The following CCDC12 variants were observed in gnomAD, a reference collection of about 807,000 sequenced individuals.
The protein encoded by CCDC12 is coiled-coil domain containing 12, also known as coiled-coil domain-containing protein 12.
CCDC12 carries 28 observed loss-of-function variants against 25.7 expected under a neutral mutation model. The ratio of observed to expected loss-of-function variants is 1.09; its 90% CI spans 0.81 to 1.50. The LOEUF (loss-of-function observed/expected upper bound fraction) is 1.50, where lower values mean the gene tolerates loss of function less well. Ranked by LOEUF, CCDC12 falls within the 40% of genes most tolerant of loss-of-function variation. The pLI, the probability that CCDC12 is intolerant of heterozygous loss-of-function variation, is 0.00. For synonymous variants in CCDC12, 75 were observed against 87.7 expected (o/e 0.86, Z 0.81); for missense variants, 198 against 210.0 (o/e 0.94, Z 0.35).
At chr3:46,947,541 C>A (rs2033954581) in intron 1 of CCDC12, among the ~76,000 whole-genome samples, 1 of 152,196 alleles carries the variant, frequency 6.6e-6, no homozygotes, top group African/African-American at 2.4e-5. Flanking sequence ...ATCTCTACTG[C>A]CCAGAGACTG....
chr3:46,968,894 C>T (rs181168095), intron 1 of CCDC12, among the ~76,000 whole-genome samples: 1 of 152,304 alleles, frequency 6.6e-6, no homozygotes, highest in East Asian at 1.9e-4. Context: ...AGGGATGAAG[C>T]AATACACCCT....
rs758095813 is a variant in CCDC12 at position 46,923,352 on chromosome 3, G to A, written c.318C>T (p.Asn106=). Residue 106 remains asparagine (N), a synonymous_variant, in exon 5 of 7, where the codon AAC becomes AAT. Transcript: ENST00000683445. ...EPVIEEVDLA[N]LAPRKPDWDL... is the part of the protein sequence containing the mutation. ...ACCAGTCAGGCTTCCGAGGAGCGAG[G>A]TTGGCCAGGTCCTGGGAAGGGAGGA... 6.7e-7 allele frequency: 1 copy of A among 1,492,874 alleles called. No homozygotes were observed. Among genetic ancestry groups the A allele is most frequent in the Non-Finnish European group, 8.9e-7 (1 of 1,119,600 alleles). 92.5% of individuals were successfully genotyped at this position (1,492,874 alleles called of 1,614,324 possible). A position where few individuals can be genotyped will look rare whatever the true frequency, so the allele number is the denominator to read the frequency against.
chr3:46,953,412 C>T (rs774542558), intron 1 of CCDC12, among the ~76,000 whole-genome samples: 2 of 152,132 alleles, frequency 1.3e-5, no homozygotes, highest in African/African-American at 2.4e-5. Flanking sequence ...AAAGACTTCA[C>T]AGACTCGCAC....
chr3:46,942,425 A>G (rs1044325788), intron 1 of CCDC12, among the ~76,000 whole-genome samples: 11 of 152,270 alleles, frequency 7.2e-5, no homozygotes, highest in Admixed American at 5.9e-4. Context: ...AGCTCCTTCC[A>G]TTGGGAGCCT....
chr3:46,970,565 AC>A (rs1159117892), intron 1 of CCDC12, among the ~76,000 whole-genome samples: 5 of 152,216 alleles, frequency 3.3e-5, no homozygotes, highest in Admixed American at 2.0e-4. Flanking sequence ...CCAGGTGACA[AC>A]CAGGAATTGC....
intron 2 of CCDC12, among the ~76,000 whole-genome samples, chr3:46,931,063 A>G (rs2033192282): frequency 6.6e-6 from 1 of 152,236 alleles, no homozygotes; most frequent in South Asian, 2.1e-4. Context: ...CAATGACTTG[A>G]GAAGACATTT....
chr3:46,947,369 T>G (rs1345252639), intron 1 of CCDC12, among the ~76,000 whole-genome samples: 1 of 152,194 alleles, frequency 6.6e-6, no homozygotes, highest in Non-Finnish European at 1.5e-5. Flanking sequence ...TGCAGCCCCA[T>G]GCCGGGGTGG....
intron 1 of CCDC12, among the ~76,000 whole-genome samples, chr3:46,969,412 T>C (rs1344032711): frequency 2.0e-5 from 3 of 152,164 alleles, no homozygotes; most frequent in African/African-American, 7.2e-5. Flanking sequence ...TTACTTATAT[T>C]TGTAGAGATG....
chr3:46,980,695 G>C (rs555088350), upstream of CCDC12, among the ~76,000 whole-genome samples: 34 of 152,268 alleles, frequency 2.2e-4, 1 homozygote, highest in African/African-American at 7.0e-4. Context: ...AGAAGGTGAG[G>C]GGAGTGACTC....
In CCDC12 at chr3:46,943,322, CA is replaced by C. The variant is rs563889493; in HGVS notation, c.97-2258del. Among the ~76,000 whole-genome samples the C allele has an allele frequency of 1.0e-3, 153 of 152,270 alleles. 2 individuals are homozygous for C. Among genetic ancestry groups the C allele is most frequent in the African/African-American group, 3.1e-3 (130 of 41,554 alleles). ...GCAAGCCAGAGCCTGCAAATTCTAG[CA>C]AAAAATTCCTTCCCAACTCCCAACC... On this transcript the variant is annotated intron_variant, in intron 1 of 6. Transcript: ENST00000683445.
chr3:46,938,752 G>C (rs952595847), intron 2 of CCDC12, among the ~76,000 whole-genome samples: 2 of 151,800 alleles, frequency 1.3e-5, no homozygotes, highest in Non-Finnish European at 2.9e-5. Flanking sequence ...GGAGGCTGAG[G>C]TGGGAAGATC....
rs1407202820 is a variant in CCDC12, at chr3:46,922,424, AG to A, written c.342-113del. 8 of 1,194,860 alleles carry A rather than the reference AG, an allele frequency of 6.7e-6. No homozygotes were observed. The African/African-American group carries it at 1.2e-4, about 18-fold the overall frequency. 74.0% of individuals were successfully genotyped at this position (1,194,860 alleles called of 1,614,324 possible). On this transcript the variant is annotated intron_variant, in intron 5 of 6. Transcript: ENST00000683445. Reference sequence around the variant, plus strand: ...ATTAGGAGTCATGCTCGGTTGCTGGAGGGGGCTGCCCTGGGGAAGAGGCCAG... The same window carrying A: ...ATTAGGAGTCATGCTCGGTTGCTGGAGGGGCTGCCCTGGGGAAGAGGCCAG...
upstream of CCDC12, chr3:46,977,075 C>T: frequency 2.8e-6 from 1 of 351,602 alleles, no homozygotes; most frequent in Non-Finnish European, 5.3e-6. Flanking sequence ...TCGATCGCTC[C>T]GGTTTTGCCC....
intron 1 of CCDC12, among the ~76,000 whole-genome samples, chr3:46,971,503 T>TA (rs1385478568): frequency 6.6e-6 from 1 of 152,234 alleles, no homozygotes; most frequent in Non-Finnish European, 1.5e-5. Context: ...GACGTCTTTG[T>TA]AAAACTACAG....
chr3:46,975,554 G>A (rs1217390894), intron 1 of CCDC12, among the ~76,000 whole-genome samples: 8 of 114,400 alleles, frequency 7.0e-5, no homozygotes, highest in Non-Finnish European at 1.1e-4. Flanking sequence ...TTTTTGAGAC[G>A]GAGTCTCGCT....
intron 1 of CCDC12, among the ~76,000 whole-genome samples, chr3:46,957,414 A>AT (rs796296386): frequency 2.0e-3 from 301 of 149,700 alleles, no homozygotes; most frequent in African/African-American, 6.4e-3. Flanking sequence ...CTTTTTAATT[A>AT]TTTTTTTTTT....
intron 1 of CCDC12, among the ~76,000 whole-genome samples, chr3:46,966,414 G>A (rs990732733): frequency 1.3e-5 from 2 of 152,204 alleles, no homozygotes; most frequent in African/African-American, 2.4e-5. Flanking sequence ...TCAGGTGGCT[G>A]AGGCAGGAGA....
Position 46,947,426 on chromosome 3 carries a change from G to A in CCDC12, c.97-6361C>T, listed in dbSNP as rs559922937. ...GCCGTGGTGGGAGCTGTGTTCCAAGGGCACTTAGCGGGTAGGGCAGTCACC... is the reference window on the plus strand; with the variant it reads ...GCCGTGGTGGGAGCTGTGTTCCAAGAGCACTTAGCGGGTAGGGCAGTCACC... On this transcript the variant is annotated intron_variant, in intron 1 of 6. Coordinates refer to ENST00000683445, the MANE Select transcript of CCDC12 (RefSeq NM_001277074.2). 2.0e-5 allele frequency among the ~76,000 whole-genome samples: 3 copies of A among 152,312 alleles called. No individual in the cohort carries two copies. In the South Asian group the frequency reaches 6.2e-4, roughly 32 times the overall value.
chr3:46,957,968 C>A (rs997006248), intron 1 of CCDC12, among the ~76,000 whole-genome samples: 2 of 119,392 alleles, frequency 1.7e-5, no homozygotes, highest in African/African-American at 6.3e-5. Flanking sequence ...AATACACACA[C>A]ACACACACAC....
Sources: gnomAD v4.1 joint callset for allele counts (sites outside exome capture counted in the v4.1 genomes callset) on GRCh38, gnomAD v4.1.1 for gene constraint, MANE v1.5 for transcripts, NCBI Gene and HGNC (gene_info 2026-07-23, HGNC 2026-07-21) for gene names.